Variants in AUTS2 observed in about 807,000 individuals in gnomAD.
AUTS2 encodes the protein autism susceptibility gene 2 protein.
Under a neutral mutation model 112.4 loss-of-function variants are expected in AUTS2, and 17 were observed. The ratio of observed to expected loss-of-function variants is 0.15; its 90% CI spans 0.10 to 0.23. The LOEUF is 0.23. Among genes scored for constraint, AUTS2 ranks in the 10% least tolerant of loss-of-function variants. AUTS2 has a pLI of 1.00. For missense variants in AUTS2, 1,510 were observed against 1,701.6 expected (o/e 0.89, Z 1.98); for synonymous variants, 751 against 702.7 (o/e 1.07, Z -1.09).
intron 2 of AUTS2, among the ~76,000 whole-genome samples, chr7:70,062,998 A>T (rs1015859173): frequency 1.3e-5 from 2 of 152,154 alleles, no homozygotes; most frequent in Non-Finnish European, 2.9e-5. Context: ...CTTTTGCATG[A>T]GTTGTAAACT....
At chr7:70,770,782 A>G (rs903452983) in intron 10 of AUTS2, among the ~76,000 whole-genome samples, 2 of 152,222 alleles carry the variant, frequency 1.3e-5, no homozygotes, top group Non-Finnish European at 2.9e-5. Flanking sequence ...CTCAGACTTC[A>G]TATGTTAATA....
intron 1 of AUTS2, among the ~76,000 whole-genome samples, chr7:69,624,620 C>T (rs766072289): frequency 4.6e-5 from 7 of 152,172 alleles, no homozygotes; most frequent in Non-Finnish European, 8.8e-5. Flanking sequence ...CCAGCAGCTA[C>T]ACATCTGTGC....
At chr7:70,415,181 A>G (rs1183656444) in intron 4 of AUTS2, among the ~76,000 whole-genome samples, 2 of 152,128 alleles carry the variant, frequency 1.3e-5, no homozygotes, top group Non-Finnish European at 2.9e-5. Flanking sequence ...TCTTTGTCCC[A>G]TTCCCCGATG....
Position 70,777,022 on chromosome 7 carries a change from C to T in AUTS2, c.1933-81C>T, listed in dbSNP as rs1246761201. 3.5e-6 allele frequency: 5 copies of T among 1,417,604 alleles called. No homozygotes were observed. In the South Asian group the frequency reaches 5.8e-5, roughly 16 times the overall value. 87.8% of individuals were successfully genotyped at this position (1,417,604 alleles called of 1,614,324 possible). On this transcript the variant is annotated intron_variant, in intron 13 of 18. Transcript: ENST00000342771. Reference sequence around the variant, plus strand: ...CGAAAAAAGCCTCTGCAGCCAAAATCTGCTGAAAGCTTTGGGGAAATTGAA... The same window carrying T: ...CGAAAAAAGCCTCTGCAGCCAAAATTTGCTGAAAGCTTTGGGGAAATTGAA...
At chr7:70,371,708 G>T (rs1201287760) in intron 4 of AUTS2, among the ~76,000 whole-genome samples, 1 of 152,070 alleles carries the variant, frequency 6.6e-6, no homozygotes, top group Non-Finnish European at 1.5e-5. Flanking sequence ...TTAGTTCATT[G>T]ATTAGTTTAT....
chr7:70,310,674 A>G (rs568767805), intron 4 of AUTS2, among the ~76,000 whole-genome samples: 1 of 151,836 alleles, frequency 6.6e-6, no homozygotes, highest in South Asian at 2.1e-4. Flanking sequence ...GTGGGCCTTG[A>G]TGGACCATAA....
intron 4 of AUTS2, among the ~76,000 whole-genome samples, chr7:70,183,938 T>C (rs765245067): frequency 6.6e-6 from 1 of 151,642 alleles, no homozygotes; most frequent in East Asian, 1.9e-4. Flanking sequence ...GCTGAAAGAA[T>C]TGAATGTAAA....
At chr7:69,633,124 T>C (rs1794346423) in intron 1 of AUTS2, among the ~76,000 whole-genome samples, 1 of 152,196 alleles carries the variant, frequency 6.6e-6, no homozygotes, top group Non-Finnish European at 1.5e-5. Context: ...CACTGTTTTG[T>C]TCTCTGTCTC....
chr7:70,420,479 C>T (rs888051288), intron 4 of AUTS2, among the ~76,000 whole-genome samples: 1 of 152,138 alleles, frequency 6.6e-6, no homozygotes, highest in African/African-American at 2.4e-5. Context: ...GTAAAATAAA[C>T]CCTCTGCCAT....
At chr7:70,003,866 AATATATGAATGTGTT>A (rs1563030536) in intron 2 of AUTS2, among the ~76,000 whole-genome samples, 1 of 88,646 alleles carries the variant, frequency 1.1e-5, no homozygotes, top group Non-Finnish European at 2.0e-5. Context: ...ATATATATAT[AATATATGAATGTGTT>A]ATATATGAAT....
chr7:70,458,560 A>G (rs1796839686), intron 5 of AUTS2, among the ~76,000 whole-genome samples: 1 of 152,252 alleles, frequency 6.6e-6, no homozygotes, highest in South Asian at 2.1e-4. Context: ...GGGCTTTCTT[A>G]GTAGGTGAAT....
chr7:70,081,301 A>G (rs968735854), intron 2 of AUTS2, among the ~76,000 whole-genome samples: 53 of 151,634 alleles, frequency 3.5e-4, no homozygotes, highest in Admixed American at 9.9e-4. Flanking sequence ...CTGTAATCCC[A>G]GCACTTTGGG....
At chr7:69,828,231 G>T (rs888674947) in intron 1 of AUTS2, among the ~76,000 whole-genome samples, 1 of 152,214 alleles carries the variant, frequency 6.6e-6, no homozygotes, top group African/African-American at 2.4e-5. Flanking sequence ...GGCTTAGGAA[G>T]GTCCAGGTCT....
chr7:69,854,689 C>A (rs1792640883), intron 1 of AUTS2, among the ~76,000 whole-genome samples: 1 of 152,060 alleles, frequency 6.6e-6, no homozygotes, highest in South Asian at 2.1e-4. Context: ...GTTATCTTCT[C>A]ATTTCTCTGT....
intron 4 of AUTS2, among the ~76,000 whole-genome samples, chr7:70,192,416 G>T (rs190278928): frequency 2.7e-4 from 41 of 152,068 alleles, no homozygotes; most frequent in Non-Finnish European, 2.9e-5. Context: ...CAAATGAAAC[G>T]AAAGTTTTAC....
intron 5 of AUTS2, among the ~76,000 whole-genome samples, chr7:70,460,185 T>C (rs1036843331): frequency 2.0e-5 from 3 of 151,994 alleles, no homozygotes; most frequent in African/African-American, 7.2e-5. Flanking sequence ...GCATCTTCTC[T>C]CTGATTCCCC....
chr7:69,931,604 G>A (rs189056337), intron 2 of AUTS2, among the ~76,000 whole-genome samples: 25 of 152,194 alleles, frequency 1.6e-4, no homozygotes, highest in Non-Finnish European at 2.6e-4. Flanking sequence ...TGCCATTGTC[G>A]CAACATCACT....
intron 2 of AUTS2, among the ~76,000 whole-genome samples, chr7:70,039,191 A>G (rs1466161414): frequency 6.6e-6 from 1 of 152,110 alleles, no homozygotes; most frequent in Non-Finnish European, 1.5e-5. Flanking sequence ...AATTTTACCT[A>G]TTGTCAGCAT....
intron 5 of AUTS2, among the ~76,000 whole-genome samples, chr7:70,514,534 A>C (rs1268824141): frequency 6.6e-6 from 1 of 152,248 alleles, no homozygotes; most frequent in Non-Finnish European, 1.5e-5. Context: ...GTGAACTAAG[A>C]GCGAGAACTC....
Sources: allele counts gnomAD v4.1 joint callset (sites outside exome capture counted in the v4.1 genomes callset), GRCh38; gene constraint gnomAD v4.1.1; transcripts MANE v1.5; gene names NCBI Gene and HGNC (gene_info 2026-07-23, HGNC 2026-07-21).